The following ATP10A variants were observed in gnomAD, a reference collection of about 807,000 sequenced individuals.
The protein encoded by ATP10A is phospholipid-transporting ATPase VA.
ATP10A carries 111 observed loss-of-function variants against 147.8 expected under a neutral mutation model. The ratio of observed to expected loss-of-function variants is 0.75; its 90% CI spans 0.64 to 0.88. The LOEUF is 0.88. Ranked by LOEUF, ATP10A falls within the 40% of genes least tolerant of loss-of-function variation. ATP10A has a pLI of 0.00. For missense variants in ATP10A, 1,927 were observed against 1,959.0 expected (o/e 0.98, Z 0.31); for synonymous variants, 875 against 841.6 (o/e 1.04, Z -0.69).
intron 2 of ATP10A, among the ~76,000 whole-genome samples, chr15:25,749,255 C>T (rs1443729287): frequency 2.0e-5 from 3 of 152,010 alleles, no homozygotes; most frequent in Non-Finnish European, 4.4e-5. Flanking sequence ...AATCACTTTG[C>T]TAGGAATACA....
intron 2 of ATP10A, among the ~76,000 whole-genome samples, chr15:25,752,391 C>A (rs1888199888): frequency 6.6e-6 from 1 of 152,064 alleles, no homozygotes; most frequent in Admixed American, 6.6e-5. Flanking sequence ...GTAAAATAAG[C>A]CAGGCACAGA....
At chr15:25,846,048 C>T (rs547549511) in intron 1 of ATP10A, among the ~76,000 whole-genome samples, 2 of 152,252 alleles carry the variant, frequency 1.3e-5, no homozygotes, top group South Asian at 2.1e-4. Context: ...TGAAATAAGC[C>T]GGTCACTAAA....
intron 12 of ATP10A, among the ~76,000 whole-genome samples, chr15:25,706,379 C>T (rs1351307786): frequency 2.0e-5 from 3 of 152,188 alleles, no homozygotes; most frequent in South Asian, 2.1e-4. Context: ...CCTGTGCCTG[C>T]GCCACGCTCA....
chr15:25,823,536 T>C (rs1180470034), intron 1 of ATP10A, among the ~76,000 whole-genome samples: 1 of 152,222 alleles, frequency 6.6e-6, no homozygotes, highest in African/African-American at 2.4e-5. Context: ...AGATACCCAC[T>C]ATGTTGTATT....
intron 1 of ATP10A, among the ~76,000 whole-genome samples, chr15:25,810,173 G>A (rs1891366926): frequency 6.6e-6 from 1 of 152,196 alleles, no homozygotes; most frequent in Non-Finnish European, 1.5e-5. Flanking sequence ...ATGGATGCGG[G>A]GCTAGAGCAG....
chr15:25,858,401 G>A (rs978867879), intron 1 of ATP10A, among the ~76,000 whole-genome samples: 4 of 152,188 alleles, frequency 2.6e-5, no homozygotes, highest in Non-Finnish European at 5.9e-5. Flanking sequence ...CAGAGGAAGA[G>A]ATGAGGCTCA....
Position 25,862,670 on chromosome 15 carries a change from G to A in ATP10A, c.427C>T (p.Leu143=). ...CACCTGCTGAAGACCAGGCAGCCCA[G>A]GTGGTTGATCTTGTGGTCGGAGCGG... The part of the protein sequence containing the change: ...RHRSDHKINH[L]GCLVFSREEK... Residue 143 remains leucine (L), a synonymous_variant, in exon 1 of 21, where the codon CTG becomes TTG. Transcript: ENST00000555815. 1 of 1,596,462 alleles carries A rather than the reference G, an allele frequency of 6.3e-7. No individual in the cohort carries two copies. Among genetic ancestry groups the A allele is most frequent in the Non-Finnish European group, 8.6e-7 (1 of 1,169,082 alleles).
chr15:25,734,357 T>C (rs911506568), intron 3 of ATP10A, among the ~76,000 whole-genome samples: 3 of 152,220 alleles, frequency 2.0e-5, no homozygotes, highest in Non-Finnish European at 4.4e-5. Flanking sequence ...TTATTTATGT[T>C]TTTTGGTGGA....
Position 25,780,148 on chromosome 15 carries a change from C to A in ATP10A, c.654+871G>T, listed in dbSNP as rs1889837173. On this transcript the variant is annotated intron_variant, in intron 2 of 20. Transcript: ENST00000555815. Reference sequence around the variant, plus strand: ...GTCCACAGACAGCAGAGCCCACTGCCCCAGGGAAGCCCGATGGGCTGGTGC... The same window carrying A: ...GTCCACAGACAGCAGAGCCCACTGCACCAGGGAAGCCCGATGGGCTGGTGC... Among the ~76,000 whole-genome samples, 3 of 152,258 alleles carry A rather than the reference C, an allele frequency of 2.0e-5. No individual in the cohort carries two copies. The South Asian group carries it at 6.2e-4, about 31-fold the overall frequency.
chr15:25,778,884 T>C (rs1596869505), intron 2 of ATP10A, among the ~76,000 whole-genome samples: 2 of 152,238 alleles, frequency 1.3e-5, no homozygotes, highest in African/African-American at 4.8e-5. Flanking sequence ...AAGTTCTTCT[T>C]TATTTTTTTT....
At chr15:25,810,628 C>A (rs904473222) in intron 1 of ATP10A, among the ~76,000 whole-genome samples, 2 of 152,114 alleles carry the variant, frequency 1.3e-5, no homozygotes, top group African/African-American at 4.8e-5. Context: ...CTCATACCTG[C>A]CTACAAAAGG....
intron 17 of ATP10A, 75 bp downstream of exon 17, chr15:25,683,211 G>T: frequency 7.2e-7 from 1 of 1,397,468 alleles, no homozygotes; most frequent in Non-Finnish European, 1.0e-6. Context: ...GAGGCTGGGG[G>T]ACTGGCACTT....
chr15:25,680,023 G>A (rs367906834), intron 20 of ATP10A, 49 bp from the exon 21 acceptor site: 37 of 1,580,654 alleles, frequency 2.3e-5, no homozygotes, highest in Non-Finnish European at 2.9e-5. Flanking sequence ...TGTCGGTGGT[G>A]TCTTTGAGCT....
Position 25,714,961 on chromosome 15 carries a change from CAT to C in ATP10A, c.1777-722_1777-721del, listed in dbSNP as rs72194498. On this transcript the variant is annotated intron_variant, in intron 9 of 20. Transcript: ENST00000555815. ...ACAGTAAGAAACAAAATGAATGACACATATACACACACACACACACACACACA... is the reference window on the plus strand; with the variant it reads ...ACAGTAAGAAACAAAATGAATGACACATACACACACACACACACACACACA... Among the ~76,000 whole-genome samples, 712 of 127,718 alleles carry C rather than the reference CAT, an allele frequency of 5.6e-3. 6 individuals are homozygous for C. Among genetic ancestry groups the C allele is most frequent in the African/African-American group, 0.022 (657 of 29,328 alleles). 83.8% of individuals were successfully genotyped at this position (127,718 alleles called of 152,430 possible).
chr15:25,689,847 G>A (rs542782997), intron 15 of ATP10A, among the ~76,000 whole-genome samples: 1 of 152,334 alleles, frequency 6.6e-6, no homozygotes, highest in South Asian at 2.1e-4. Flanking sequence ...AGGCATGGCA[G>A]CTCCGGCCCC....
chr15:25,787,130 C>G (rs1890208226), intron 1 of ATP10A, among the ~76,000 whole-genome samples: 1 of 152,058 alleles, frequency 6.6e-6, no homozygotes, highest in African/African-American at 2.4e-5. Flanking sequence ...TCACACAAAC[C>G]TGGGTGACTC....
At chr15:25,835,677 G>A (rs1892559103) in intron 1 of ATP10A, among the ~76,000 whole-genome samples, 1 of 152,200 alleles carries the variant, frequency 6.6e-6, no homozygotes, top group Admixed American at 6.5e-5. Flanking sequence ...CTGTCACCCA[G>A]GCTGGAGTGC....
chr15:25,762,130 C>T (rs1888792076), intron 2 of ATP10A, among the ~76,000 whole-genome samples: 1 of 152,096 alleles, frequency 6.6e-6, no homozygotes, highest in Non-Finnish European at 1.5e-5. Context: ...GGGCCTTTTC[C>T]CCCTTTTGCT....
intron 1 of ATP10A, among the ~76,000 whole-genome samples, chr15:25,812,252 C>G (rs1346557032): frequency 1.3e-5 from 2 of 152,160 alleles, no homozygotes; most frequent in Non-Finnish European, 2.9e-5. Context: ...TTCAAAATAA[C>G]AAGTCAGGAA....
Sources: gnomAD v4.1 joint callset for allele counts (sites outside exome capture counted in the v4.1 genomes callset) on GRCh38, gnomAD v4.1.1 for gene constraint, MANE v1.5 for transcripts, NCBI Gene and HGNC (gene_info 2026-07-23, HGNC 2026-07-21) for gene names.